Variants in ABI3BP observed in about 807,000 individuals in gnomAD.
The protein encoded by ABI3BP is ABI family member 3 binding protein, also known as target of Nesh-SH3.
A neutral mutation model predicts 268.6 loss-of-function variants in ABI3BP; 216 were observed. The ratio of observed to expected loss-of-function variants is 0.80; its 90% CI spans 0.72 to 0.90. The LOEUF (loss-of-function observed/expected upper bound fraction) is 0.90. ABI3BP is among the 40% of genes least tolerant of loss of function. ABI3BP has a pLI of 0.00. For synonymous variants in ABI3BP, 730 were observed against 730.0 expected (o/e 1.00, Z 0.00); for missense variants, 2,090 against 2,182.4 (o/e 0.96, Z 0.84).
chr3:100,980,048 T>G (rs1300346095), intron 1 of ABI3BP, among the ~76,000 whole-genome samples: 1 of 152,202 alleles, frequency 6.6e-6, no homozygotes, highest in Non-Finnish European at 1.5e-5. Context: ...TTTGAGTTGT[T>G]CACAAAATGG....
At chr3:100,853,386 A>G (rs1388396926) in intron 14 of ABI3BP, among the ~76,000 whole-genome samples, 1 of 152,198 alleles carries the variant, frequency 6.6e-6, no homozygotes, top group Admixed American at 6.5e-5. Context: ...GCAATTTCTG[A>G]TCTTAAGCTT....
At chr3:100,767,495 G>T (rs970128082) in intron 62 of ABI3BP, among the ~76,000 whole-genome samples, 2 of 151,150 alleles carry the variant, frequency 1.3e-5, no homozygotes, top group African/African-American at 2.4e-5. Flanking sequence ...GGAAGGGAGA[G>T]AATTCTGAAT....
At chr3:100,800,479 C>T (rs1259093069) in intron 51 of ABI3BP, among the ~76,000 whole-genome samples, 1 of 152,106 alleles carries the variant, frequency 6.6e-6, no homozygotes, top group Non-Finnish European at 1.5e-5. Context: ...CATGCTGTTT[C>T]TCAGCTATAT....
chr3:100,811,703 A>T, intron 47 of ABI3BP, 25 bp downstream of exon 47: 3 of 1,528,610 alleles, frequency 2.0e-6, no homozygotes, highest in South Asian at 1.2e-5. Flanking sequence ...GAATAAATGA[A>T]TCAAAGCATT....
intron 54 of ABI3BP, among the ~76,000 whole-genome samples, chr3:100,794,415 G>T (rs1159227686): frequency 1.3e-5 from 2 of 151,784 alleles, no homozygotes; most frequent in East Asian, 3.9e-4. Context: ...GTAGTGTATT[G>T]GGTGGCACAG....
chr3:100,950,270 C>T (rs887999153), intron 1 of ABI3BP, among the ~76,000 whole-genome samples: 2 of 152,098 alleles, frequency 1.3e-5, no homozygotes, highest in Admixed American at 6.6e-5. Flanking sequence ...TGAACAAACA[C>T]ATACAATAGT....
intron 40 of ABI3BP, among the ~76,000 whole-genome samples, chr3:100,818,987 GACAT>G (rs2098130418): frequency 1.3e-5 from 2 of 152,206 alleles, no homozygotes; most frequent in Non-Finnish European, 2.9e-5. Flanking sequence ...TTTGAGAGAA[GACAT>G]AGCAAAGAAT....
chr3:100,911,581 CT>C lies in ABI3BP; in HGVS notation c.260-8896del, dbSNP rs2056511221. 4.5e-6 allele frequency: 3 copies of C among 660,696 alleles called. No individual in the cohort carries two copies. The South Asian group carries it at 5.3e-5, about 12-fold the overall frequency. 40.9% of individuals were successfully genotyped at this position (660,696 alleles called of 1,614,324 possible). ...TGTACCTCCTTTACTGATCCATCTT[CT>C]TCAAAAAATTTAGAGCTGTGTGTTT... On this transcript the variant is annotated intron_variant, in intron 2 of 67. Coordinates refer to ENST00000471714, the MANE Select transcript of ABI3BP (RefSeq NM_001375547.2).
At chr3:100,944,536 A>T (rs1346634174) in intron 1 of ABI3BP, among the ~76,000 whole-genome samples, 2 of 152,186 alleles carry the variant, frequency 1.3e-5, no homozygotes, top group Non-Finnish European at 2.9e-5. Context: ...AATTGAAAAT[A>T]CTCTTGATAA....
intron 30 of ABI3BP, 150 bp from the exon 31 acceptor site, chr3:100,832,500 T>A: frequency 1.4e-6 from 1 of 703,510 alleles, no homozygotes; most frequent in Non-Finnish European, 2.3e-6. Context: ...TTCAGTATCT[T>A]AATAGGTTTT....
At chr3:100,781,332 T>C (rs2096857967) in intron 57 of ABI3BP, among the ~76,000 whole-genome samples, 1 of 152,176 alleles carries the variant, frequency 6.6e-6, no homozygotes, top group Admixed American at 6.5e-5. Flanking sequence ...ATTCAGGGGA[T>C]GAACCTAATA....
At chr3:100,771,420 G>A (rs2096541064) in intron 61 of ABI3BP, among the ~76,000 whole-genome samples, 1 of 151,244 alleles carries the variant, frequency 6.6e-6, no homozygotes, top group Non-Finnish European at 1.5e-5. Context: ...CACCTAAAAG[G>A]TAAAATTCAT....
intron 21 of ABI3BP, among the ~76,000 whole-genome samples, chr3:100,841,220 T>TTTTTTTTTTTTTTTTTTGTTTTTTTG (rs1560681726): frequency 8.4e-5 from 10 of 119,590 alleles, no homozygotes; most frequent in Non-Finnish European, 1.2e-4. Context: ...TTTTTTTTTT[T>TTTTTTTTTTTTTTTTTTGTTTTTTTG]TTTTTTTGCT....
rs9867186 is a variant in ABI3BP at position 100,984,067 on chromosome 3, C to T, written c.79+9239G>A. On this transcript the variant is annotated intron_variant, in intron 1 of 67. Transcript: ENST00000471714. ...CATCAAGAAAGATTTATTTATCAAG[C>T]ACTTATACATACAAATTGTCAAAAA... Among the ~76,000 whole-genome samples, 484 of 152,048 alleles carry T rather than the reference C, an allele frequency of 3.2e-3. 3 individuals carry two copies. The highest frequency in any genetic ancestry group is 0.011 in the African/African-American group (458 of 41,484).
intron 34 of ABI3BP, among the ~76,000 whole-genome samples, chr3:100,826,177 G>T (rs1337318231): frequency 6.6e-6 from 1 of 152,194 alleles, no homozygotes; most frequent in African/African-American, 2.4e-5. Context: ...AGGATACAGT[G>T]AGAAGGTGGC....
At chr3:100,885,104 A>G (rs1304726275) in intron 6 of ABI3BP, among the ~76,000 whole-genome samples, 3 of 152,120 alleles carry the variant, frequency 2.0e-5, no homozygotes, top group Admixed American at 1.3e-4. Context: ...ATTTTACAAA[A>G]TCAAACTGGT....
rs1305641929 is a variant in ABI3BP at position 100,780,192 on chromosome 3, T to C, written c.4180A>G (p.Arg1394Gly). Residue 1394 changes from arginine (R) to glycine (G), a missense_variant, in exon 58 of 68, where the codon AGG (arginine) becomes GGG (glycine). Physicochemically the swap from Arg to Gly is moderately radical, Grantham distance 125. Transcript: ENST00000471714. ...GVGTGVKQAPRPSGADRNVSV... is the reference protein window; with the variant it reads ...GVGTGVKQAPGPSGADRNVSV... ...ACATTTCTATCAGCACCTGATGGCC[T>C]GGGTGCTTGCTTGACCCCTATGAGC... The C allele has an allele frequency of 2.5e-6, 4 of 1,612,806 alleles. No individual in the cohort carries two copies. Among genetic ancestry groups the C allele is most frequent in the African/African-American group, 1.3e-5 (1 of 74,870 alleles).
At chr3:100,806,866 T>C (rs994114307) in intron 50 of ABI3BP, among the ~76,000 whole-genome samples, 2 of 144,566 alleles carry the variant, frequency 1.4e-5, no homozygotes, top group African/African-American at 4.9e-5. Flanking sequence ...TTGAAACTTA[T>C]AGTATAACAA....
chr3:100,881,984 G>A (rs1056051024), intron 6 of ABI3BP, among the ~76,000 whole-genome samples: 2 of 152,168 alleles, frequency 1.3e-5, no homozygotes, highest in African/African-American at 4.8e-5. Flanking sequence ...AGAAGGGTAG[G>A]ATGGGCTGTA....
Sources: allele counts gnomAD v4.1 joint callset (sites outside exome capture counted in the v4.1 genomes callset), GRCh38; gene constraint gnomAD v4.1.1; transcripts MANE v1.5; gene names NCBI Gene and HGNC (gene_info 2026-07-23, HGNC 2026-07-21).